NARS2: variants seen among roughly 807,000 people sequenced by gnomAD.
NARS2 encodes asparaginyl-tRNA synthetase 2, mitochondrial.
NARS2 carries 60 observed loss-of-function variants against 62.9 expected under a neutral mutation model. That is an observed-to-expected ratio of 0.95 (90% confidence interval 0.77 to 1.18). The LOEUF (loss-of-function observed/expected upper bound fraction) is 1.18. Ranked by LOEUF, NARS2 falls within the 50% of genes most tolerant of loss-of-function variation. The pLI, the probability that NARS2 is intolerant of heterozygous loss-of-function variation, is 0.00. For synonymous variants in NARS2, 196 were observed against 200.0 expected (o/e 0.98, Z 0.17); for missense variants, 619 against 576.4 (o/e 1.07, Z -0.76).
At chr11:78,537,097 G>A (rs960115642) in intron 5 of NARS2, among the ~76,000 whole-genome samples, 9 of 152,110 alleles carry the variant, frequency 5.9e-5, no homozygotes, top group African/African-American at 1.4e-4. Flanking sequence ...CTCGGTTTGC[G>A]TAAGTACACT....
intron 7 of NARS2, among the ~76,000 whole-genome samples, chr11:78,489,706 T>C (rs1213880602): frequency 6.6e-6 from 1 of 152,038 alleles, no homozygotes; most frequent in Admixed American, 6.5e-5. Context: ...ATGAAGACTA[T>C]AAAACATCAC....
intron 11 of NARS2, among the ~76,000 whole-genome samples, chr11:78,444,763 T>C (rs1047261966): frequency 3.5e-5 from 5 of 142,298 alleles, no homozygotes; most frequent in African/African-American, 1.3e-4. Context: ...AAATAATATA[T>C]CTGCAAGACT....
At chr11:78,540,832 C>T (rs1855584671) in intron 5 of NARS2, among the ~76,000 whole-genome samples, 1 of 152,140 alleles carries the variant, frequency 6.6e-6, no homozygotes, top group Non-Finnish European at 1.5e-5. Flanking sequence ...GGAGGCTATG[C>T]CTTTCACGAT....
chr11:78,574,064 A>C (rs536980425), intron 1 of NARS2, among the ~76,000 whole-genome samples: 1 of 152,344 alleles, frequency 6.6e-6, no homozygotes, highest in East Asian at 1.9e-4. Flanking sequence ...TAAGGGATAA[A>C]GATAGAGAAA....
At chr11:78,440,204 C>T (rs1224173290) in intron 13 of NARS2, among the ~76,000 whole-genome samples, 1 of 152,096 alleles carries the variant, frequency 6.6e-6, no homozygotes, top group Non-Finnish European at 1.5e-5. Flanking sequence ...GCTAGGATTA[C>T]AGGCACACGC....
intron 5 of NARS2, among the ~76,000 whole-genome samples, chr11:78,536,958 G>C (rs1043838112): frequency 1.3e-5 from 2 of 152,092 alleles, no homozygotes; most frequent in African/African-American, 2.4e-5. Flanking sequence ...TGTATGTTTA[G>C]ATATACAAAT....
intron 3 of NARS2, among the ~76,000 whole-genome samples, chr11:78,567,842 CAG>C (rs929639780): frequency 1.3e-5 from 2 of 152,170 alleles, no homozygotes; most frequent in African/African-American, 4.8e-5. Flanking sequence ...AGCAAAAACA[CAG>C]AGGATTCAAA....
intron 3 of NARS2, among the ~76,000 whole-genome samples, chr11:78,566,844 C>T (rs933614621): frequency 6.6e-6 from 1 of 152,140 alleles, no homozygotes; most frequent in African/African-American, 2.4e-5. Context: ...ACACTGCTCA[C>T]ATTCATGTTA....
At chr11:78,480,881 C>A (rs1231742311) in intron 7 of NARS2, among the ~76,000 whole-genome samples, 1 of 151,516 alleles carries the variant, frequency 6.6e-6, no homozygotes. Flanking sequence ...TGCAGTGGTG[C>A]CATCTCAGCC....
intron 5 of NARS2, chr11:78,558,308 G>A (rs1590863135): frequency 1.3e-5 from 2 of 152,272 alleles, no homozygotes; most frequent in Admixed American, 1.3e-4. Context: ...GTATAATGAA[G>A]ACGGCATTTG....
At chr11:78,493,305 G>A in intron 6 of NARS2, 110 bp from the exon 7 acceptor site, 1 of 957,700 alleles carries the variant, frequency 1.0e-6, no homozygotes, top group Non-Finnish European at 1.6e-6. Flanking sequence ...CCTCTGTCTT[G>A]TCCACAGACT....
intron 11 of NARS2, among the ~76,000 whole-genome samples, chr11:78,451,057 C>T (rs1190073184): frequency 6.6e-6 from 1 of 152,170 alleles, no homozygotes; most frequent in East Asian, 1.9e-4. Flanking sequence ...TCCACCGTAT[C>T]AGATTCTAAT....
At chr11:78,509,838 A>AAAAAAAG (rs1555027144) in intron 6 of NARS2, among the ~76,000 whole-genome samples, 4 of 151,020 alleles carry the variant, frequency 2.6e-5, no homozygotes, top group East Asian at 1.9e-4. Context: ...AAAAAAAAAA[A>AAAAAAAG]AAAAGAAAAG....
intron 5 of NARS2, among the ~76,000 whole-genome samples, chr11:78,554,510 T>C (rs11237544): frequency 7.1e-6 from 1 of 141,308 alleles, no homozygotes; most frequent in Admixed American, 6.8e-5. Context: ...CGTGTGTGCG[T>C]GTGTGTGTGT....
chr11:78,452,448 C>T (rs1201490549), intron 11 of NARS2, among the ~76,000 whole-genome samples: 1 of 151,890 alleles, frequency 6.6e-6, no homozygotes, highest in Non-Finnish European at 1.5e-5. Context: ...CACTCTGCCA[C>T]TCAGGCTGGA....
intron 11 of NARS2, among the ~76,000 whole-genome samples, chr11:78,453,236 T>G (rs945291859): frequency 6.6e-6 from 1 of 152,178 alleles, no homozygotes; most frequent in Non-Finnish European, 1.5e-5. Flanking sequence ...CAATTCCACT[T>G]TGGGTACATC....
chr11:78,447,274 C>T (rs909352347), intron 11 of NARS2, among the ~76,000 whole-genome samples: 1 of 151,952 alleles, frequency 6.6e-6, no homozygotes, highest in African/African-American at 2.4e-5. Context: ...CTGCCTCAGC[C>T]TCCTAAGTAG....
chr11:78,519,546 T>C (rs1861034391), intron 6 of NARS2, among the ~76,000 whole-genome samples: 1 of 152,188 alleles, frequency 6.6e-6, no homozygotes, highest in Non-Finnish European at 1.5e-5. Context: ...AGAATCATAC[T>C]CTACCTGTTT....
intron 11 of NARS2, among the ~76,000 whole-genome samples, chr11:78,460,186 C>T (rs933751913): frequency 3.3e-5 from 5 of 151,506 alleles, no homozygotes; most frequent in African/African-American, 9.7e-5. Flanking sequence ...GCATTGTAGG[C>T]GACATAAAGG....
Sources: gnomAD v4.1 joint callset for allele counts (sites outside exome capture counted in the v4.1 genomes callset) on GRCh38, gnomAD v4.1.1 for gene constraint, MANE v1.5 for transcripts, NCBI Gene and HGNC (gene_info 2026-07-23, HGNC 2026-07-21) for gene names.